MFAP3L: variants seen among roughly 807,000 people sequenced by gnomAD.
The protein encoded by MFAP3L is microfibril associated protein 3 like.
MFAP3L carries 5 observed loss-of-function variants against 20.0 expected under a neutral mutation model. The observed-to-expected ratio is 0.25, with a 90% CI of 0.13 to 0.53. MFAP3L has a LOEUF of 0.53. Ranked by LOEUF, MFAP3L falls within the 20% of genes least tolerant of loss-of-function variation. The pLI, the probability that MFAP3L is intolerant of heterozygous loss-of-function variation, is 0.96. For synonymous variants in MFAP3L, 219 were observed against 213.0 expected, an observed-to-expected ratio of 1.03 and a Z score of -0.25; for missense variants, 409 against 527.5, an observed-to-expected ratio of 0.78 and a Z score of 2.20.
chr4:170,024,631 C>T (rs1740239334), intron 1 of MFAP3L, among the ~76,000 whole-genome samples: 2 of 152,106 alleles, frequency 1.3e-5, no homozygotes, highest in Admixed American at 1.3e-4. Context: ...CATCACCAAC[C>T]AGACTATTTG....
At chr4:170,023,084 A>G (rs1467889067) in intron 1 of MFAP3L, among the ~76,000 whole-genome samples, 2 of 152,118 alleles carry the variant, frequency 1.3e-5, no homozygotes, top group Admixed American at 1.3e-4. Flanking sequence ...AAGACTTCTA[A>G]TTCTTTGGGC....
At chr4:170,008,540 G>C (rs1353539046) in intron 1 of MFAP3L, among the ~76,000 whole-genome samples, 2 of 152,190 alleles carry the variant, frequency 1.3e-5, no homozygotes, top group Non-Finnish European at 2.9e-5. Context: ...TCTAGTAGTG[G>C]AAAGACATAC....
At chr4:170,014,129 GCTGT>G (rs1357338859) in intron 1 of MFAP3L, among the ~76,000 whole-genome samples, 1 of 152,180 alleles carries the variant, frequency 6.6e-6, no homozygotes, top group Non-Finnish European at 1.5e-5. Context: ...ATCTCTAGCT[GCTGT>G]CTTTCTTTTC....
At chr4:170,006,460 T>C (rs558838031) in intron 1 of MFAP3L, 1 of 152,358 alleles carries the variant, frequency 6.6e-6, no homozygotes, top group Admixed American at 6.5e-5. Flanking sequence ...ATGTTCCGGA[T>C]GTGAATTATA....
chr4:170,009,078 G>C (rs991529383), intron 1 of MFAP3L, among the ~76,000 whole-genome samples: 65 of 152,236 alleles, frequency 4.3e-4, no homozygotes, highest in African/African-American at 1.5e-3. Context: ...GGATCTTACA[G>C]ACAGCACCAT....
intron 2 of MFAP3L, chr4:169,994,568 A>G (rs1737994942): frequency 1.0e-6 from 1 of 968,372 alleles, no homozygotes; most frequent in Non-Finnish European, 1.2e-6. Flanking sequence ...GAGTTTTCAG[A>G]TATGATTTTA....
intron 1 of MFAP3L, among the ~76,000 whole-genome samples, chr4:170,023,173 G>A (rs758639115): frequency 3.3e-5 from 5 of 152,054 alleles, no homozygotes; most frequent in Admixed American, 2.6e-4. Flanking sequence ...CCAATCTACG[G>A]GGTTCATTTC....
intron 2 of MFAP3L, among the ~76,000 whole-genome samples, chr4:169,998,642 C>G (rs1344497486): frequency 6.6e-6 from 1 of 152,018 alleles, no homozygotes; most frequent in African/African-American, 2.4e-5. Flanking sequence ...AATTTCCAAT[C>G]TTTTTATGAA....
At chr4:170,018,707 C>T (rs1012836058) in intron 1 of MFAP3L, among the ~76,000 whole-genome samples, 3 of 151,940 alleles carry the variant, frequency 2.0e-5, no homozygotes, top group African/African-American at 7.3e-5. Flanking sequence ...AACAGGTTAC[C>T]TTTGAGAAGT....
chr4:170,025,857 T>C (rs2111094773), intron 1 of MFAP3L, among the ~76,000 whole-genome samples: 1 of 152,186 alleles, frequency 6.6e-6, no homozygotes, highest in South Asian at 2.1e-4. Context: ...GGCACAGCGA[T>C]GAGAGAGATC....
rs1737842406 is a variant in MFAP3L at position 169,992,976 on chromosome 4, GAATT to G, written c.299-671_299-668del. Reference sequence around the variant, plus strand: ...ATGTGAGTATTCAGAGGCTGGATATGAATTAATATCAATTTGTTTTAGCCTTGCA... The same window carrying G: ...ATGTGAGTATTCAGAGGCTGGATATGAATATCAATTTGTTTTAGCCTTGCA... On this transcript the variant is annotated intron_variant, in intron 2 of 2. Transcript: ENST00000361618. The surrounding 1 kb of genome is among the most constrained non-coding windows in gnomAD (Gnocchi z 4.3). Among the ~76,000 whole-genome samples, 1 of 152,216 alleles carries G rather than the reference GAATT, an allele frequency of 6.6e-6. No individual in the cohort carries two copies. Among genetic ancestry groups the G allele is most frequent in the Admixed American group, 6.5e-5 (1 of 15,282 alleles).
At chr4:169,998,285 C>T (rs1273674211) in intron 2 of MFAP3L, among the ~76,000 whole-genome samples, 2 of 152,254 alleles carry the variant, frequency 1.3e-5, no homozygotes, top group Non-Finnish European at 2.9e-5. Context: ...ACAATTAAAC[C>T]TGTAAATACA....
At chr4:170,005,479 T>A in intron 2 of MFAP3L, 101 bp downstream of exon 2, 1 of 1,272,070 alleles carries the variant, frequency 7.9e-7, no homozygotes, top group South Asian at 1.4e-5. Flanking sequence ...CAAGATGAGA[T>A]CTTTAAATCA....
rs577501395 is a variant in MFAP3L at position 169,999,426 on chromosome 4, C to T, written c.298+6154G>A. Among the ~76,000 whole-genome samples, 7 of 152,302 alleles carry T rather than the reference C, an allele frequency of 4.6e-5. No individual in the cohort carries two copies. The East Asian group carries it at 1.3e-3, about 29-fold the overall frequency. On this transcript the variant is annotated intron_variant, in intron 2 of 2. Transcript: ENST00000361618. ...TTTCCTGGAAAAGGAAACATCTGTT[C>T]CTCTAGCTAATTTGGTCTGGTAATC...
chr4:169,991,864 C>T lies in MFAP3L; in HGVS notation c.744G>A (p.Met248Ile). 6.2e-7 allele frequency: 1 copy of T among 1,614,168 alleles called. No individual in the cohort carries two copies. The highest frequency in any genetic ancestry group is 8.5e-7 in the Non-Finnish European group (1 of 1,180,038). The stretch of plus-strand genomic sequence containing the variant: ...TCTCCTCCATGATAGTCCTGCAGTT[C>T]ATAATGAGAGGCGGCAGAGGCACGC... ...ARSVPLPPLI[M>I]NCRTIMEEIM... Residue 248 changes from methionine (M) to isoleucine (I), a missense_variant, in exon 3 of 3, where the codon ATG becomes ATA. Physicochemically the swap from Met to Ile is conservative, Grantham distance 10. Coordinates refer to ENST00000361618, the MANE Select transcript of MFAP3L (RefSeq NM_021647.8). This position sits in a 1 kb window ranked among gnomAD's most constrained non-coding sequence, Gnocchi z 4.9.
In MFAP3L at chr4:170,022,212, G is replaced by A. The variant is rs143002135; in HGVS notation, c.-134+4022C>T. 3.9e-3 allele frequency among the ~76,000 whole-genome samples: 591 copies of A among 152,298 alleles called. 8 individuals carry two copies. Among genetic ancestry groups the A allele is most frequent in the African/African-American group, 0.013 (559 of 41,564 alleles). ...CATGCATACAAATGCTGCCATTTCA[G>A]ATGAATCCAGAGACCTGAATTACAG... On this transcript the variant is annotated intron_variant, in intron 1 of 2. Transcript: ENST00000361618.
intron 1 of MFAP3L, among the ~76,000 whole-genome samples, chr4:170,007,626 C>T (rs911645556): frequency 2.6e-5 from 4 of 152,182 alleles, no homozygotes; most frequent in African/African-American, 9.6e-5. Context: ...TTTATGTCTT[C>T]TAAAAGCCAG....
Position 169,996,791 on chromosome 4 carries a change from C to T in MFAP3L, c.299-4482G>A, listed in dbSNP as rs116942800. 1.5e-4 allele frequency among the ~76,000 whole-genome samples: 23 copies of T among 152,276 alleles called. No individual in the cohort carries two copies. In the East Asian group the frequency reaches 4.1e-3, roughly 27 times the overall value. On this transcript the variant is annotated intron_variant, in intron 2 of 2. Coordinates refer to ENST00000361618, the MANE Select transcript of MFAP3L (RefSeq NM_021647.8). The stretch of plus-strand genomic sequence containing the variant: ...GAGACCTGGAGCCCCGCCTGCTTCA[C>T]GACCTCATTTACATGACTTTTCCCC...
In MFAP3L at chr4:170,020,782, T is replaced by C. The variant is rs1481453312; in HGVS notation, c.-134+5452A>G. On this transcript the variant is annotated intron_variant, in intron 1 of 2. Transcript: ENST00000361618. ...TTACCTTGCACATCTGGCAAACCCC[T>C]AGCTTTGAGGTCTTGGTTCAAAAGC... 5.3e-5 allele frequency among the ~76,000 whole-genome samples: 8 copies of C among 152,028 alleles called. No individual in the cohort carries two copies. In the East Asian group the frequency reaches 1.6e-3, roughly 29 times the overall value.
Sources: allele counts gnomAD v4.1 joint callset (sites outside exome capture counted in the v4.1 genomes callset), GRCh38; gene constraint gnomAD v4.1.1; non-coding constraint Gnocchi (gnomAD v3.1); transcripts MANE v1.5; gene names NCBI Gene and HGNC (gene_info 2026-07-23, HGNC 2026-07-21).